FMN2: variants seen among roughly 807,000 people sequenced by gnomAD.
FMN2 encodes formin 2.
FMN2 carries 51 observed loss-of-function variants against 142.3 expected under a neutral mutation model. That is an observed-to-expected ratio of 0.36 (90% confidence interval 0.29 to 0.45). The LOEUF (loss-of-function observed/expected upper bound fraction) is 0.45, where lower values mean the gene tolerates loss of function less well. Ranked by LOEUF, FMN2 falls within the 20% of genes least tolerant of loss-of-function variation. The probability of loss-of-function intolerance (pLI) is 1.00; values close to 1 mark genes in which losing one functional copy is unlikely to be tolerated. For synonymous variants in FMN2, 882 were observed against 869.8 expected (o/e 1.01, Z -0.25); for missense variants, 1,936 against 2,122.8 (o/e 0.91, Z 1.73).
intron 8 of FMN2, among the ~76,000 whole-genome samples, chr1:240,319,046 G>A (rs1366320414): frequency 2.0e-5 from 3 of 152,140 alleles, no homozygotes; most frequent in South Asian, 2.1e-4. Context: ...CTGTCTGGAC[G>A]TGGAATGAAA....
chr1:240,326,166 C>G (rs991550224), intron 8 of FMN2, among the ~76,000 whole-genome samples: 1 of 152,010 alleles, frequency 6.6e-6, no homozygotes, highest in Non-Finnish European at 1.5e-5. Context: ...CCAGAGATTA[C>G]CTGAGGTGGA....
intron 7 of FMN2, among the ~76,000 whole-genome samples, chr1:240,285,055 A>G (rs980766410): frequency 1.3e-5 from 2 of 151,840 alleles, no homozygotes; most frequent in Non-Finnish European, 2.9e-5. Context: ...AAATTCTCAC[A>G]TGTATTTCCC....
Position 240,359,788 on chromosome 1 carries a change from G to T in FMN2, c.4858+3880G>T, listed in dbSNP as rs76333847. Among the ~76,000 whole-genome samples, 401 of 152,278 alleles carry T rather than the reference G, an allele frequency of 2.6e-3. 3 individuals are homozygous for T. The highest frequency in any genetic ancestry group is 8.9e-3 in the African/African-American group (368 of 41,548). ...TTGAGAATATACTCACTCAAAAATTGTTCTGACGGCCACCTGGCTTTATAT... is the reference window on the plus strand; with the variant it reads ...TTGAGAATATACTCACTCAAAAATTTTTCTGACGGCCACCTGGCTTTATAT... On this transcript the variant is annotated intron_variant, in intron 14 of 17. Coordinates refer to ENST00000319653, the MANE Select transcript of FMN2 (RefSeq NM_020066.5).
chr1:240,429,925 G>A (rs911115169), intron 15 of FMN2, among the ~76,000 whole-genome samples: 6 of 146,854 alleles, frequency 4.1e-5, no homozygotes, highest in Admixed American at 1.4e-4. Context: ...TCGCTCTGCC[G>A]CCCAGGCTGG....
intron 14 of FMN2, among the ~76,000 whole-genome samples, chr1:240,391,330 C>T (rs896374862): frequency 6.6e-5 from 10 of 152,226 alleles, no homozygotes; most frequent in Admixed American, 5.9e-4. Context: ...TGTCTTGAGG[C>T]TGTAAAACAT....
chr1:240,389,884 G>A (rs1192653673), intron 14 of FMN2, among the ~76,000 whole-genome samples: 1 of 152,160 alleles, frequency 6.6e-6, no homozygotes, highest in African/African-American at 2.4e-5. Context: ...AGGAGGAATT[G>A]CAGCTTGCAG....
chr1:240,256,834 C>G (rs11583088), intron 6 of FMN2, among the ~76,000 whole-genome samples: 40,763 of 152,108 alleles, frequency 0.27, 5,594 homozygotes, highest in Middle Eastern at 0.35. Context: ...TGTTTTATTC[C>G]TCACCCCCAT....
At chr1:240,433,002 T>C (rs1239571186) in intron 15 of FMN2, among the ~76,000 whole-genome samples, 1 of 152,164 alleles carries the variant, frequency 6.6e-6, no homozygotes, top group Non-Finnish European at 1.5e-5. Flanking sequence ...TATTCAACTC[T>C]TCTGTGTCGT....
chr1:240,105,272 C>A (rs1033183262), intron 1 of FMN2, among the ~76,000 whole-genome samples: 20 of 151,826 alleles, frequency 1.3e-4, no homozygotes, highest in Non-Finnish European at 2.6e-4. Flanking sequence ...CCATGCCCGG[C>A]TAATTTTTGT....
intron 14 of FMN2, among the ~76,000 whole-genome samples, chr1:240,370,363 C>T (rs1031661931): frequency 2.0e-5 from 3 of 151,922 alleles, no homozygotes; most frequent in Admixed American, 6.6e-5. Flanking sequence ...TACATTAGTA[C>T]GTTCTTCTTA....
At chr1:240,126,962 C>T (rs561509450) in intron 2 of FMN2, among the ~76,000 whole-genome samples, 1 of 152,058 alleles carries the variant, frequency 6.6e-6, no homozygotes, top group South Asian at 2.1e-4. Flanking sequence ...GAGATGAGGT[C>T]TGTGGGAAGG....
chr1:240,190,273 T>C (rs1468280532), intron 4 of FMN2, among the ~76,000 whole-genome samples: 1 of 152,186 alleles, frequency 6.6e-6, no homozygotes, highest in Non-Finnish European at 1.5e-5. Context: ...TGTCTGGAAG[T>C]CAGGAAAATT....
At chr1:240,147,022 T>C (rs1198703074) in intron 2 of FMN2, among the ~76,000 whole-genome samples, 1 of 151,254 alleles carries the variant, frequency 6.6e-6, no homozygotes, top group Non-Finnish European at 1.5e-5. Context: ...TGAATCTAAG[T>C]GAGTCTATTT....
At chr1:240,306,304 T>C (rs1326303427) in intron 8 of FMN2, among the ~76,000 whole-genome samples, 1 of 152,172 alleles carries the variant, frequency 6.6e-6, no homozygotes, top group African/African-American at 2.4e-5. Context: ...ATTCAAGGGA[T>C]ACATGTGCAG....
chr1:240,259,654 T>G (rs1668564953), intron 7 of FMN2, among the ~76,000 whole-genome samples: 1 of 152,156 alleles, frequency 6.6e-6, no homozygotes, highest in Non-Finnish European at 1.5e-5. Context: ...TCTCTCAGGA[T>G]ATGCCTCCAC....
chr1:240,115,125 G>C (rs1417968792), intron 1 of FMN2, among the ~76,000 whole-genome samples: 3 of 152,096 alleles, frequency 2.0e-5, no homozygotes, highest in Non-Finnish European at 2.9e-5. Context: ...AGTGATAGCT[G>C]ATGTTTTATT....
At chr1:240,194,552 A>G (rs1019820248) in intron 4 of FMN2, among the ~76,000 whole-genome samples, 25 of 152,324 alleles carry the variant, frequency 1.6e-4, no homozygotes, top group Non-Finnish European at 1.9e-4. Flanking sequence ...GCAAGGGTTC[A>G]TTAGTGTAAA....
chr1:240,285,885 G>A (rs2102945525), intron 7 of FMN2, among the ~76,000 whole-genome samples: 1 of 152,140 alleles, frequency 6.6e-6, no homozygotes, highest in East Asian at 1.9e-4. Flanking sequence ...GAGTTTTACT[G>A]CTTTATTTTT....
At chr1:240,171,543 A>G (rs1476725087) in intron 2 of FMN2, among the ~76,000 whole-genome samples, 1 of 152,216 alleles carries the variant, frequency 6.6e-6, no homozygotes, top group East Asian at 1.9e-4. Context: ...AAAAATACAG[A>G]CTATTGGACA....
Sources: allele counts gnomAD v4.1 joint callset (sites outside exome capture counted in the v4.1 genomes callset), GRCh38; gene constraint gnomAD v4.1.1; transcripts MANE v1.5; gene names NCBI Gene and HGNC (gene_info 2026-07-23, HGNC 2026-07-21).